SLC22A3: variants seen among roughly 807,000 people sequenced by gnomAD.
SLC22A3 encodes the protein EMT organic cation transporter 3.
SLC22A3 carries 51 observed loss-of-function variants against 59.1 expected under a neutral mutation model. The ratio of observed to expected loss-of-function variants is 0.86; its 90% CI spans 0.69 to 1.09. The LOEUF (loss-of-function observed/expected upper bound fraction) is 1.09. Among genes scored for constraint, SLC22A3 ranks in the 50% least tolerant of loss-of-function variants. The pLI is 0.00. For synonymous variants in SLC22A3, 325 were observed against 292.0 expected (o/e 1.11, Z -1.15); for missense variants, 711 against 726.3 (o/e 0.98, Z 0.24).
intron 5 of SLC22A3, among the ~76,000 whole-genome samples, chr6:160,435,938 G>A (rs1193897824): frequency 6.6e-6 from 1 of 152,164 alleles, no homozygotes; most frequent in Non-Finnish European, 1.5e-5. Flanking sequence ...AGACCCACAG[G>A]GGAGTGCTGT....
At chr6:160,418,715 C>T (rs1255211341) in intron 5 of SLC22A3, among the ~76,000 whole-genome samples, 1 of 152,128 alleles carries the variant, frequency 6.6e-6, no homozygotes, top group Non-Finnish European at 1.5e-5. Flanking sequence ...CTAAAGATCC[C>T]TCTCCTCTGC....
chr6:160,410,765 G>C lies in SLC22A3; in HGVS notation c.894G>C (p.Arg298=), dbSNP rs750652091. The C allele has an allele frequency of 3.1e-6, 5 of 1,613,186 alleles. No homozygotes were observed. The highest frequency in any genetic ancestry group is 4.2e-6 in the Non-Finnish European group (5 of 1,179,536). The change falls in exon 5 of 11, where the codon CGG becomes CGC. Residue 298 remains arginine (R), a synonymous_variant. Coordinates refer to ENST00000275300, the MANE Select transcript of SLC22A3 (RefSeq NM_021977.4). ...AGTCTCCCCGTTGGCTGATTACTCG[G>C]AAGAAAGGAGATAAAGCATTACAGA... The part of the protein sequence containing the change: ...VPESPRWLIT[R]KKGDKALQIL...
At chr6:160,368,983 A>C (rs1046792016) in intron 1 of SLC22A3, among the ~76,000 whole-genome samples, 1 of 152,202 alleles carries the variant, frequency 6.6e-6, no homozygotes, top group African/African-American at 2.4e-5. Flanking sequence ...TACTTCCAGG[A>C]GCCATGAATC....
Position 160,447,739 on chromosome 6 carries a change from G to A in SLC22A3, c.1531G>A (p.Gly511Ser). 6.2e-7 allele frequency: 1 copy of A among 1,614,044 alleles called. No homozygotes were observed. The highest frequency in any genetic ancestry group is 8.5e-7 in the Non-Finnish European group (1 of 1,179,950). The change falls in exon 10 of 11, where the codon GGT (glycine) becomes AGT (serine). Residue 511 changes from glycine to serine, a missense_variant. Transcript: ENST00000275300. ...CATAGGTATCCTGGCATCCATCTGT[G>A]GTGGCCTTGTGATGCTTTTGCCTGA... ...IIFGILASICGGLVMLLPETK... is the reference protein window; with the variant it reads ...IIFGILASICSGLVMLLPETK...
intron 1 of SLC22A3, among the ~76,000 whole-genome samples, chr6:160,372,314 G>A (rs761507734): frequency 7.2e-5 from 11 of 152,052 alleles, no homozygotes; most frequent in East Asian, 1.9e-4. Context: ...TCAGAATGTC[G>A]AATACTGGCC....
intron 1 of SLC22A3, among the ~76,000 whole-genome samples, chr6:160,368,790 C>A (rs538115240): frequency 9.4e-4 from 143 of 152,292 alleles, no homozygotes; most frequent in South Asian, 3.9e-3. Context: ...TCTGTAGGGA[C>A]CCCTGTGGCT....
Position 160,373,915 on chromosome 6 carries a change from T to A in SLC22A3, c.430-24064T>A, listed in dbSNP as rs566866155. ...GACTGCTGTGCCGGCAGCAAGATTT[T>A]CAAGCCAGTGGATCTTAGCTTGCTG... On this transcript the variant is annotated intron_variant, in intron 1 of 10. Coordinates refer to ENST00000275300, the MANE Select transcript of SLC22A3 (RefSeq NM_021977.4). 5.3e-5 allele frequency among the ~76,000 whole-genome samples: 8 copies of A among 152,332 alleles called. No homozygotes were observed. The East Asian group carries it at 1.5e-3, about 29-fold the overall frequency.
intron 1 of SLC22A3, among the ~76,000 whole-genome samples, chr6:160,356,974 G>A (rs1784860902): frequency 6.6e-6 from 1 of 152,106 alleles, no homozygotes; most frequent in Non-Finnish European, 1.5e-5. Flanking sequence ...TGAAGTTTAG[G>A]GGCTTAGAAG....
intron 5 of SLC22A3, among the ~76,000 whole-genome samples, chr6:160,419,063 T>C (rs1787622498): frequency 6.6e-6 from 1 of 152,170 alleles, no homozygotes; most frequent in Non-Finnish European, 1.5e-5. Context: ...GCTTTCCAAT[T>C]CCAAAGGGAT....
At chr6:160,366,017 C>T (rs1785191953) in intron 1 of SLC22A3, among the ~76,000 whole-genome samples, 1 of 152,124 alleles carries the variant, frequency 6.6e-6, no homozygotes, top group African/African-American at 2.4e-5. Context: ...CACCAGGTTC[C>T]CCCATGACAC....
At chr6:160,349,032 A>G (rs1479182007) in intron 1 of SLC22A3, 184 bp downstream of exon 1, 14 of 985,360 alleles carry the variant, frequency 1.4e-5, no homozygotes, top group African/African-American at 1.7e-5. Context: ...AATGCTGGGA[A>G]AAGCCTTTCG....
intron 5 of SLC22A3, chr6:160,425,926 C>G: frequency 1.0e-6 from 1 of 985,406 alleles, no homozygotes; most frequent in Non-Finnish European, 1.2e-6. Context: ...GATTGGAATT[C>G]CAGAGATGGC....
intron 1 of SLC22A3, among the ~76,000 whole-genome samples, chr6:160,389,414 C>T (rs58641122): frequency 1.5e-3 from 227 of 152,254 alleles, no homozygotes; most frequent in African/African-American, 5.3e-3. Flanking sequence ...TGGGAGGCCA[C>T]GGCAAAGGAT....
At chr6:160,360,189 G>A (rs980596295) in intron 1 of SLC22A3, among the ~76,000 whole-genome samples, 1 of 152,138 alleles carries the variant, frequency 6.6e-6, no homozygotes, top group African/African-American at 2.4e-5. Context: ...CGGGCACAGT[G>A]GCTCATGCCT....
chr6:160,418,235 G>A (rs1477880957), intron 5 of SLC22A3, among the ~76,000 whole-genome samples: 3 of 152,166 alleles, frequency 2.0e-5, no homozygotes, highest in Non-Finnish European at 4.4e-5. Flanking sequence ...GGGATAGGAT[G>A]TCTTGCTGAG....
Position 160,408,834 on chromosome 6 carries a change from TC to T in SLC22A3, c.773del (p.Pro258LeufsTer15). 6.2e-7 allele frequency: 1 copy of T among 1,613,746 alleles called. No homozygotes were observed. ...QMFFTLGIII[L>X]PGIAYFIPNW... ...TTCTTTACCCTTGGAATCATAATTCTCCCTGGAATTGCCTACTTCATCCCCA... is the reference window on the plus strand; with the variant it reads ...TTCTTTACCCTTGGAATCATAATTCTCCTGGAATTGCCTACTTCATCCCCA... On this transcript the variant is annotated frameshift_variant, in exon 4 of 11. Coordinates refer to ENST00000275300, the MANE Select transcript of SLC22A3 (RefSeq NM_021977.4). LOFTEE classifies it high-confidence loss of function.
intron 5 of SLC22A3, chr6:160,426,411 C>T (rs747300684): frequency 6.8e-5 from 63 of 929,264 alleles, no homozygotes; most frequent in Non-Finnish European, 7.7e-5. Context: ...GGCTGTGCAA[C>T]ACTCGTCTCA....
chr6:160,359,102 A>G (rs1784935673), intron 1 of SLC22A3, among the ~76,000 whole-genome samples: 1 of 152,172 alleles, frequency 6.6e-6, no homozygotes, highest in Non-Finnish European at 1.5e-5. Flanking sequence ...AATTTACCTT[A>G]TGTTGTTTGT....
chr6:160,438,440 C>T (rs1435266347), intron 7 of SLC22A3, among the ~76,000 whole-genome samples: 1 of 152,096 alleles, frequency 6.6e-6, no homozygotes, highest in African/African-American at 2.4e-5. Flanking sequence ...TGAGGACCAG[C>T]CAAGAAATGG....
Sources: gnomAD v4.1 joint callset for allele counts (sites outside exome capture counted in the v4.1 genomes callset) on GRCh38, gnomAD v4.1.1 for gene constraint, MANE v1.5 for transcripts, NCBI Gene and HGNC (gene_info 2026-07-23, HGNC 2026-07-21) for gene names.